The following GPC6 variants were observed in gnomAD, a reference collection of about 807,000 sequenced individuals.
GPC6 encodes glypican 6, also known as glypican-6.
GPC6 carries 14 observed loss-of-function variants against 55.2 expected under a neutral mutation model. The observed-to-expected ratio is 0.25, with a 90% CI of 0.17 to 0.40. The LOEUF is 0.40. Among genes scored for constraint, GPC6 ranks in the 10% least tolerant of loss-of-function variants. The pLI, the probability that GPC6 is intolerant of heterozygous loss-of-function variation, is 1.00. For synonymous variants in GPC6, 278 were observed against 259.6 expected (o/e 1.07, Z -0.68); for missense variants, 641 against 708.5 (o/e 0.90, Z 1.08).
chr13:93,833,360 T>C (rs1341736200), intron 3 of GPC6, among the ~76,000 whole-genome samples: 1 of 152,144 alleles, frequency 6.6e-6, no homozygotes, highest in African/African-American at 2.4e-5. Flanking sequence ...GTAATAAGAA[T>C]AAAATATCAC....
intron 1 of GPC6, among the ~76,000 whole-genome samples, chr13:93,290,765 T>C (rs987241578): frequency 2.0e-5 from 3 of 152,166 alleles, no homozygotes; most frequent in Admixed American, 2.0e-4. Flanking sequence ...CATACTGATC[T>C]CATGATAACT....
At chr13:94,051,614 G>A (rs1594696831) in intron 4 of GPC6, among the ~76,000 whole-genome samples, 1 of 152,234 alleles carries the variant, frequency 6.6e-6, no homozygotes, top group South Asian at 2.1e-4. Flanking sequence ...ATAATGGAAA[G>A]TGTAAAGAGA....
intron 7 of GPC6, among the ~76,000 whole-genome samples, chr13:94,385,455 G>A (rs1201254033): frequency 6.6e-6 from 1 of 152,102 alleles, no homozygotes; most frequent in African/African-American, 2.4e-5. Context: ...TATGCAGGTG[G>A]GAAAATGATC....
intron 4 of GPC6, among the ~76,000 whole-genome samples, chr13:94,235,514 G>A (rs1403801853): frequency 6.6e-6 from 1 of 152,024 alleles, no homozygotes. Flanking sequence ...GAGCCACAGG[G>A]GACATACAAA....
chr13:93,958,991 T>C (rs1879638544), intron 3 of GPC6, among the ~76,000 whole-genome samples: 1 of 152,164 alleles, frequency 6.6e-6, no homozygotes, highest in Admixed American at 6.5e-5. Context: ...ATTATTGGTA[T>C]ATAGAAATGC....
At chr13:93,745,269 C>G (rs1884360454) in intron 2 of GPC6, among the ~76,000 whole-genome samples, 1 of 152,116 alleles carries the variant, frequency 6.6e-6, no homozygotes, top group African/African-American at 2.4e-5. Flanking sequence ...TCTTTATATT[C>G]CAGATGTTTT....
rs1040989252 is a variant in GPC6, at chr13:93,777,223, T to C, written c.320-52931T>C. Among the ~76,000 whole-genome samples, 12 of 152,300 alleles carry C rather than the reference T, an allele frequency of 7.9e-5. 1 individual carries two copies. The highest frequency in any genetic ancestry group is 5.9e-4 in the Admixed American group (9 of 15,280). On this transcript the variant is annotated intron_variant, in intron 2 of 8. Transcript: ENST00000377047. ...AACAGGCGATCAAGCAAGTTTTAAT[T>C]TAATTTCCCAAGCCCCGTCTCCTGT...
chr13:93,293,720 T>A (rs1474660847), intron 1 of GPC6, among the ~76,000 whole-genome samples: 1 of 152,234 alleles, frequency 6.6e-6, no homozygotes, highest in East Asian at 1.9e-4. Context: ...GCCCATTTTT[T>A]AAATCATTTC....
rs946403905 is a variant in GPC6 at position 93,405,370 on chromosome 13, T to C, written c.161-139893T>C. On this transcript the variant is annotated intron_variant, in intron 1 of 8. Coordinates refer to ENST00000377047, the MANE Select transcript of GPC6 (RefSeq NM_005708.5). ...ATTCAGCTATGTTCTGGCAGCTGTATTGAAGAATTTACAGAACCAGAATTA... is the reference window on the plus strand; with the variant it reads ...ATTCAGCTATGTTCTGGCAGCTGTACTGAAGAATTTACAGAACCAGAATTA... Among the ~76,000 whole-genome samples, 4 of 152,204 alleles carry C rather than the reference T, an allele frequency of 2.6e-5. No individual in the cohort carries two copies. In the South Asian group the frequency reaches 6.2e-4, roughly 24 times the overall value.
chr13:93,943,464 G>A (rs972623117), intron 3 of GPC6, among the ~76,000 whole-genome samples: 18 of 151,938 alleles, frequency 1.2e-4, no homozygotes, highest in South Asian at 4.2e-4. Context: ...AAGTGGAATC[G>A]CTTGCATCCC....
chr13:93,475,021 C>T (rs933913028), intron 1 of GPC6, among the ~76,000 whole-genome samples: 1 of 152,094 alleles, frequency 6.6e-6, no homozygotes, highest in Admixed American at 6.5e-5. Context: ...TGGCATGTGC[C>T]TATAATTGCA....
intron 4 of GPC6, among the ~76,000 whole-genome samples, chr13:94,032,897 G>T (rs565638366): frequency 6.6e-6 from 1 of 152,286 alleles, no homozygotes; most frequent in East Asian, 1.9e-4. Flanking sequence ...GTGGCAGGCC[G>T]AGAGACCCTG....
chr13:93,360,219 T>A (rs1284164562), intron 1 of GPC6, among the ~76,000 whole-genome samples: 3 of 152,166 alleles, frequency 2.0e-5, no homozygotes, highest in African/African-American at 7.2e-5. Flanking sequence ...TGAAAACCAC[T>A]TAGAGAATCG....
chr13:93,350,410 G>A (rs1399394773), intron 1 of GPC6, among the ~76,000 whole-genome samples: 2 of 151,982 alleles, frequency 1.3e-5, no homozygotes, highest in African/African-American at 4.8e-5. Context: ...CTCCAGCTTG[G>A]GTGACAGAGC....
intron 1 of GPC6, among the ~76,000 whole-genome samples, chr13:93,316,321 C>G (rs1879247797): frequency 6.6e-6 from 1 of 152,024 alleles, no homozygotes. Flanking sequence ...GCTAGTTTTC[C>G]TAATGTGTGG....
chr13:94,334,830 C>T (rs1363039797), intron 6 of GPC6, among the ~76,000 whole-genome samples: 1 of 152,174 alleles, frequency 6.6e-6, no homozygotes, highest in Non-Finnish European at 1.5e-5. Flanking sequence ...AAGCTCTGCC[C>T]TTTACTTCCC....
At chr13:94,071,000 T>C (rs1204908774) in intron 4 of GPC6, among the ~76,000 whole-genome samples, 5 of 152,196 alleles carry the variant, frequency 3.3e-5, no homozygotes, top group Non-Finnish European at 7.3e-5. Flanking sequence ...AGAAGGATCC[T>C]GAGGTCACCT....
At chr13:94,271,848 A>G (rs1892037693) in intron 4 of GPC6, among the ~76,000 whole-genome samples, 1 of 152,128 alleles carries the variant, frequency 6.6e-6, no homozygotes, top group African/African-American at 2.4e-5. Flanking sequence ...ATAGCTTTAA[A>G]CAAGATGCAA....
intron 3 of GPC6, among the ~76,000 whole-genome samples, chr13:93,977,764 C>A (rs899442308): frequency 6.6e-6 from 1 of 152,104 alleles, no homozygotes; most frequent in African/African-American, 2.4e-5. Flanking sequence ...TACCTAAGGA[C>A]TGCTGCTATT....
Sources: gnomAD v4.1 joint callset for allele counts (sites outside exome capture counted in the v4.1 genomes callset) on GRCh38, gnomAD v4.1.1 for gene constraint, MANE v1.5 for transcripts, NCBI Gene and HGNC (gene_info 2026-07-23, HGNC 2026-07-21) for gene names.